Variants in GPC6 observed in about 807,000 individuals in gnomAD.
GPC6 encodes the protein glypican 6.
Under a neutral mutation model 55.2 loss-of-function variants are expected in GPC6, and 14 were observed. That is an observed-to-expected ratio of 0.25 (90% confidence interval 0.17 to 0.40). The LOEUF is 0.40. Among genes scored for constraint, GPC6 ranks in the 10% least tolerant of loss-of-function variants. The pLI is 1.00. For synonymous variants in GPC6, 278 were observed against 259.6 expected (o/e 1.07, Z -0.68); for missense variants, 641 against 708.5 (o/e 0.90, Z 1.08).
At chr13:93,861,241 T>G (rs1231843556) in intron 3 of GPC6, among the ~76,000 whole-genome samples, 8 of 151,520 alleles carry the variant, frequency 5.3e-5, no homozygotes, top group Non-Finnish European at 1.2e-4. Context: ...AGAACTCTTT[T>G]GTATAAATTT....
At position 94,126,713 on chromosome 13, in the gene GPC6, C is replaced by T. The variant is rs369718692; in HGVS notation, c.877+98819C>T. 3.7e-4 allele frequency among the ~76,000 whole-genome samples: 54 copies of T among 147,868 alleles called. 1 individual carries two copies. Among genetic ancestry groups the T allele is most frequent in the African/African-American group, 8.3e-4 (34 of 40,766 alleles). ...AAAATCAAATATTATTACCTGTTTG[C>T]TTCATTTCTTCCTTAATGTTTTTGG... is the stretch of plus-strand genomic sequence containing the variant. On this transcript the variant is annotated intron_variant, in intron 4 of 8. Coordinates refer to ENST00000377047, the MANE Select transcript of GPC6 (RefSeq NM_005708.5).
intron 1 of GPC6, among the ~76,000 whole-genome samples, chr13:93,270,018 T>C (rs946921306): frequency 2.6e-5 from 4 of 151,848 alleles, no homozygotes; most frequent in Middle Eastern, 3.4e-3. Context: ...GTCCCAGTCT[T>C]TGGGAGGCTG....
At chr13:94,289,397 T>C (rs765054515) in intron 5 of GPC6, among the ~76,000 whole-genome samples, 1 of 152,138 alleles carries the variant, frequency 6.6e-6, no homozygotes, top group Non-Finnish European at 1.5e-5. Context: ...CTAAAAGAGC[T>C]CCTTTTTTAG....
chr13:93,450,304 TTTC>T (rs1355585690), intron 1 of GPC6, among the ~76,000 whole-genome samples: 1 of 152,228 alleles, frequency 6.6e-6, no homozygotes, highest in African/African-American at 2.4e-5. Context: ...CTTTTGTTAA[TTTC>T]TTCTTCTTAG....
intron 1 of GPC6, among the ~76,000 whole-genome samples, chr13:93,371,092 G>A (rs899424639): frequency 6.6e-6 from 1 of 152,128 alleles, no homozygotes; most frequent in Non-Finnish European, 1.5e-5. Flanking sequence ...GGTTGTGACA[G>A]ATGTTGTATT....
chr13:93,657,946 AT>A (rs1379008686), intron 2 of GPC6, among the ~76,000 whole-genome samples: 40 of 152,158 alleles, frequency 2.6e-4, no homozygotes, highest in African/African-American at 9.1e-4. Flanking sequence ...AAATAAAAAA[AT>A]AACAGATGTT....
intron 4 of GPC6, among the ~76,000 whole-genome samples, chr13:94,115,070 G>C (rs1017255459): frequency 2.6e-5 from 4 of 152,042 alleles, no homozygotes; most frequent in Non-Finnish European, 5.9e-5. Flanking sequence ...GGCAGTGTTG[G>C]GAATATTTTA....
At chr13:93,634,735 C>T (rs762237712) in intron 2 of GPC6, among the ~76,000 whole-genome samples, 34 of 152,126 alleles carry the variant, frequency 2.2e-4, no homozygotes, top group Non-Finnish European at 4.4e-4. Flanking sequence ...AAAGTAGTAT[C>T]GGTATCAGGA....
At chr13:93,355,433 G>A (rs760145601) in intron 1 of GPC6, among the ~76,000 whole-genome samples, 3 of 152,318 alleles carry the variant, frequency 2.0e-5, no homozygotes, top group East Asian at 3.9e-4. Flanking sequence ...GGAAAAGGCA[G>A]CATTTGGGTT....
intron 1 of GPC6, among the ~76,000 whole-genome samples, chr13:93,515,080 G>A (rs1005438475): frequency 6.6e-6 from 1 of 152,076 alleles, no homozygotes; most frequent in African/African-American, 2.4e-5. Context: ...AAAACAGAGA[G>A]CTTGTCTCCT....
chr13:93,306,763 A>G (rs1217918622), intron 1 of GPC6, among the ~76,000 whole-genome samples: 2 of 152,136 alleles, frequency 1.3e-5, no homozygotes, highest in Non-Finnish European at 2.9e-5. Flanking sequence ...TAGTCTATTC[A>G]ATTTTTTGAA....
chr13:94,334,699 C>CAA (rs1375844372), intron 6 of GPC6, among the ~76,000 whole-genome samples: 1 of 152,142 alleles, frequency 6.6e-6, no homozygotes, highest in Non-Finnish European at 1.5e-5. Flanking sequence ...TTGAGAAGCA[C>CAA]AAGTCTGGGA....
intron 1 of GPC6, among the ~76,000 whole-genome samples, chr13:93,252,271 T>TC (rs147227462): frequency 0.033 from 5,022 of 152,194 alleles, 281 homozygotes; most frequent in African/African-American, 0.11. Flanking sequence ...CCCTTTTTTT[T>TC]CCCCCCAGGG....
chr13:93,987,759 G>A (rs1345875778), intron 3 of GPC6, among the ~76,000 whole-genome samples: 2 of 152,098 alleles, frequency 1.3e-5, no homozygotes, highest in African/African-American at 2.4e-5. Flanking sequence ...GCTCTGTCAA[G>A]AGAAAGGAAT....
chr13:93,563,647 G>A (rs781500028), intron 2 of GPC6, among the ~76,000 whole-genome samples: 1 of 151,998 alleles, frequency 6.6e-6, no homozygotes, highest in Admixed American at 6.6e-5. Context: ...TGCAACTAAA[G>A]AGTAGCAAGT....
intron 3 of GPC6, among the ~76,000 whole-genome samples, chr13:93,862,624 T>C (rs1888851430): frequency 6.6e-6 from 1 of 151,606 alleles, no homozygotes; most frequent in African/African-American, 2.4e-5. Context: ...CCCCACCACA[T>C]ATAAGAAAGT....
chr13:94,090,619 G>A (rs1885446180), intron 4 of GPC6, among the ~76,000 whole-genome samples: 1 of 152,024 alleles, frequency 6.6e-6, no homozygotes, highest in South Asian at 2.1e-4. Context: ...GTATAAACTT[G>A]TACAGTTTTA....
intron 4 of GPC6, among the ~76,000 whole-genome samples, chr13:94,271,355 TACACACACACACGCGCGCGCGCGCGCGC>T (rs776137908): frequency 3.0e-3 from 379 of 128,260 alleles, no homozygotes; most frequent in Non-Finnish European, 4.8e-3. Flanking sequence ...ACTTGTTAAA[TACACACACACACGCGCGCGCGCGCGCGC>T]ACACACACAC....
intron 2 of GPC6, among the ~76,000 whole-genome samples, chr13:93,727,927 A>G (rs186052245): frequency 3.3e-5 from 5 of 152,130 alleles, no homozygotes; most frequent in African/African-American, 9.6e-5. Flanking sequence ...GAGAGTCACT[A>G]TCCCCTCTAG....
Sources: gnomAD v4.1 joint callset for allele counts (sites outside exome capture counted in the v4.1 genomes callset) on GRCh38, gnomAD v4.1.1 for gene constraint, MANE v1.5 for transcripts, NCBI Gene and HGNC (gene_info 2026-07-23, HGNC 2026-07-21) for gene names.